SECISBP2L: variants seen among roughly 807,000 people sequenced by gnomAD.
SECISBP2L encodes selenocysteine insertion sequence-binding protein 2-like.
A neutral mutation model predicts 114.7 loss-of-function variants in SECISBP2L; 43 were observed. The observed-to-expected ratio is 0.38, with a 90% confidence interval of 0.29 to 0.48. SECISBP2L has a LOEUF of 0.48. SECISBP2L is among the 20% of genes least tolerant of loss of function. The pLI is 0.98. For synonymous variants in SECISBP2L, 451 were observed against 439.7 expected, an observed-to-expected ratio of 1.03 and a Z score of -0.32; for missense variants, 1,136 against 1,301.1, an observed-to-expected ratio of 0.87 and a Z score of 1.95.
chr15:49,026,216 T>G (rs1431807633), intron 7 of SECISBP2L, among the ~76,000 whole-genome samples: 1 of 152,128 alleles, frequency 6.6e-6, no homozygotes, highest in African/African-American at 2.4e-5. Context: ...TACCAGAGGC[T>G]GGGAAGGGTT....
At chr15:49,039,288 G>A (rs1903072128) in intron 1 of SECISBP2L, among the ~76,000 whole-genome samples, 2 of 152,092 alleles carry the variant, frequency 1.3e-5, no homozygotes, top group South Asian at 4.2e-4. Context: ...AATGATACAA[G>A]CTAGTAATTT....
At chr15:48,996,283 A>G in intron 17 of SECISBP2L, 84 bp downstream of exon 17, 1 of 1,263,342 alleles carries the variant, frequency 7.9e-7, no homozygotes, top group Admixed American at 2.4e-5. Context: ...ATCAAGAATA[A>G]AGATTAAAAA....
At chr15:49,008,794 C>A (rs1456342127) in intron 14 of SECISBP2L, among the ~76,000 whole-genome samples, 1 of 152,168 alleles carries the variant, frequency 6.6e-6, no homozygotes, top group African/African-American at 2.4e-5. Context: ...AATACTTGCA[C>A]AAATAGCTTT....
At chr15:49,044,340 G>A (rs1320658115) in intron 1 of SECISBP2L, among the ~76,000 whole-genome samples, 1 of 152,132 alleles carries the variant, frequency 6.6e-6, no homozygotes, top group Non-Finnish European at 1.5e-5. Context: ...ACAAAATTGA[G>A]AAATCTCAGT....
rs71120653 is a variant in SECISBP2L, at chr15:48,993,100, A to AGTGTGTGTGT, written c.2624-184_2624-175dup. ...TAGTACTAGTTTGAGACAGAGAGAG[A>AGTGTGTGTGT]GTGTGTGTGTGTGTGTGTGTGTGTG... On this transcript the variant is annotated intron_variant, in intron 17 of 17. Coordinates refer to ENST00000559471, the MANE Select transcript of SECISBP2L (RefSeq NM_001193489.2). Among the ~76,000 whole-genome samples the AGTGTGTGTGT allele has an allele frequency of 3.5e-3, 486 of 139,204 alleles. 2 individuals are homozygous for AGTGTGTGTGT. Among genetic ancestry groups the AGTGTGTGTGT allele is most frequent in the African/African-American group, 0.013 (470 of 35,412 alleles). The allele number at this position is 139,204 out of a possible 152,430, so 91.3% of individuals were successfully genotyped here.
chr15:49,035,400 A>T lies in SECISBP2L; in HGVS notation c.462T>A (p.Leu154=), dbSNP rs1902984028. The T allele has an allele frequency of 6.2e-7, 1 of 1,614,080 alleles. No individual in the cohort carries two copies. The highest frequency in any genetic ancestry group is 1.3e-5 in the African/African-American group (1 of 74,930). The change falls in exon 3 of 18, where the codon CTT becomes CTA. Residue 154 remains leucine, a synonymous_variant. Transcript: ENST00000559471. The part of the protein sequence containing the change: ...TTECTERPSQ[L]GQVFPLSSHR... The stretch of plus-strand genomic sequence containing the variant: ...GGCTGGACAATGGGAAGACCTGTCC[A>T]AGCTGACTTGGACGCTCAGTGCATT...
chr15:49,019,633 A>T, intron 7 of SECISBP2L, 81 bp from the exon 8 acceptor site: 1 of 1,160,732 alleles, frequency 8.6e-7, no homozygotes, highest in South Asian at 2.9e-5. Context: ...TACTGGCAGA[A>T]AAGTACACGC....
Position 48,989,985 on chromosome 15 carries a change from C to T in SECISBP2L, c.*2259G>A, listed in dbSNP as rs1280283372. 1.3e-5 allele frequency: 2 copies of T among 152,576 alleles called. No homozygotes were observed. The highest frequency in any genetic ancestry group is 2.9e-5 in the Non-Finnish European group (2 of 68,034). The allele number at this position is 152,576 out of a possible 1,614,324, so 9.5% of individuals were successfully genotyped here. On this transcript the variant is annotated 3_prime_UTR_variant, in exon 18 of 18. Transcript: ENST00000559471. ...TTCTTGGGTTGTCCTCTAGAGGTGA[C>T]CTGTCTCATAAAAAGGCTATGGTCC...
At chr15:49,009,132 C>T in intron 14 of SECISBP2L, 84 bp downstream of exon 14, 1 of 1,415,174 alleles carries the variant, frequency 7.1e-7, no homozygotes, top group Non-Finnish European at 9.7e-7. Context: ...GCTTGACTCA[C>T]TGAGTAACAA....
At chr15:49,042,778 C>A (rs1903167663) in intron 1 of SECISBP2L, 1 of 152,156 alleles carries the variant, frequency 6.6e-6, no homozygotes, top group African/African-American at 2.4e-5. Flanking sequence ...GCCTGTAATC[C>A]CAGCACTTTG....
At chr15:49,028,266 A>G in intron 5 of SECISBP2L, 98 bp from the exon 6 acceptor site, 3 of 1,051,448 alleles carry the variant, frequency 2.9e-6, no homozygotes, top group African/African-American at 1.6e-5. Flanking sequence ...TGAAGCATGC[A>G]TATCACAATA....
At chr15:48,999,188 A>T (rs1487594085) in intron 16 of SECISBP2L, among the ~76,000 whole-genome samples, 2 of 152,212 alleles carry the variant, frequency 1.3e-5, no homozygotes, top group African/African-American at 4.8e-5. Flanking sequence ...AGACACATAC[A>T]CAAAAATAGT....
chr15:49,017,444 C>G (rs1902558853), intron 9 of SECISBP2L, 104 bp downstream of exon 9: 1 of 739,836 alleles, frequency 1.4e-6, no homozygotes, highest in Non-Finnish European at 2.3e-6. Flanking sequence ...CCTGCACACT[C>G]TGCTGCTCCA....
At chr15:49,007,714 T>C (rs1352005745) in intron 14 of SECISBP2L, among the ~76,000 whole-genome samples, 1 of 152,204 alleles carries the variant, frequency 6.6e-6, no homozygotes, top group African/African-American at 2.4e-5. Context: ...TAGTAGGAAA[T>C]ATATACAATT....
At position 49,016,712 on chromosome 15, in the gene SECISBP2L, A is replaced by C; in HGVS notation, c.1420-11T>G. The C allele has an allele frequency of 1.3e-6, 2 of 1,535,724 alleles. No homozygotes were observed. Among genetic ancestry groups the C allele is most frequent in the Non-Finnish European group, 1.7e-6 (2 of 1,146,980 alleles). ...TTTTGATAAAGCTTCCTACAAAATA[A>C]ATATAAAAAATTAATTTTTTTGTTA... On this transcript the variant is annotated splice_polypyrimidine_tract_variant and intron_variant, in intron 10 of 17. Transcript: ENST00000559471.
chr15:49,044,756 C>T (rs953962974), intron 1 of SECISBP2L, among the ~76,000 whole-genome samples: 2 of 152,174 alleles, frequency 1.3e-5, no homozygotes, highest in Non-Finnish European at 2.9e-5. Flanking sequence ...GCTCACAGCA[C>T]TTGCTGCTAG....
intron 1 of SECISBP2L, among the ~76,000 whole-genome samples, chr15:49,040,614 C>T (rs1429258932): frequency 7.3e-6 from 1 of 136,136 alleles, no homozygotes; most frequent in African/African-American, 2.7e-5. Flanking sequence ...CGGCTCACTG[C>T]AAGCTCCGCC....
chr15:49,045,303 T>C (rs1903221604), intron 1 of SECISBP2L, among the ~76,000 whole-genome samples: 1 of 152,132 alleles, frequency 6.6e-6, no homozygotes, highest in African/African-American at 2.4e-5. Flanking sequence ...CATACAGGAA[T>C]TTGGGAAATC....
chr15:49,006,117 G>T (rs185330747), intron 14 of SECISBP2L, among the ~76,000 whole-genome samples: 10 of 152,250 alleles, frequency 6.6e-5, no homozygotes, highest in Admixed American at 6.5e-4. Context: ...AGAGAGACCC[G>T]CTGTTAGACT....
Sources: gnomAD v4.1 joint callset for allele counts (sites outside exome capture counted in the v4.1 genomes callset) on GRCh38, gnomAD v4.1.1 for gene constraint, MANE v1.5 for transcripts, NCBI Gene and HGNC (gene_info 2026-07-23, HGNC 2026-07-21) for gene names.